Variants in XKR9 observed in about 807,000 individuals in gnomAD.
XKR9 encodes the protein XK related 9, also known as XK-related protein 9.
Under a neutral mutation model 32.0 loss-of-function variants are expected in XKR9, and 32 were observed. The observed-to-expected ratio is 1.00, with a 90% CI of 0.76 to 1.34. The LOEUF (loss-of-function observed/expected upper bound fraction) is 1.34. XKR9 is among the 40% of genes most tolerant of loss of function. The pLI is 0.00. For synonymous variants in XKR9, 168 were observed against 143.4 expected (o/e 1.17, Z -1.22); for missense variants, 546 against 429.7 (o/e 1.27, Z -2.39).
the XKR9 span, among the ~76,000 whole-genome samples, chr8:71,039,156 G>T: frequency 5.9e-5 from 9 of 152,044 alleles, no homozygotes; most frequent in African/African-American, 1.9e-4. Context: ...CTGAAATTCT[G>T]AAACGGCTAA....
intron 2 of XKR9, among the ~76,000 whole-genome samples, chr8:70,749,724 C>T (rs1433979688): frequency 2.0e-5 from 3 of 152,144 alleles, no homozygotes; most frequent in South Asian, 4.1e-4. Flanking sequence ...TGGAACGAAC[C>T]CAGCAGGTGC....
At chr8:70,895,278 G>T in the XKR9 span, among the ~76,000 whole-genome samples, 1 of 152,120 alleles carries the variant, frequency 6.6e-6, no homozygotes, top group Non-Finnish European at 1.5e-5. Flanking sequence ...TAGTTTCTGT[G>T]CTTACCAGGG....
At chr8:71,033,474 A>G in the XKR9 span, among the ~76,000 whole-genome samples, 1 of 152,240 alleles carries the variant, frequency 6.6e-6, no homozygotes. Flanking sequence ...TGGCAGTGCT[A>G]TGGTTTGGAT....
the XKR9 span, among the ~76,000 whole-genome samples, chr8:70,824,493 T>C: frequency 7.9e-5 from 12 of 152,188 alleles, no homozygotes; most frequent in African/African-American, 2.9e-4. Context: ...AAAATGCCTT[T>C]TACTACTTCA....
chr8:70,713,353 T>C (rs532822314), intron 4 of XKR9, among the ~76,000 whole-genome samples: 1 of 152,124 alleles, frequency 6.6e-6, no homozygotes, highest in Non-Finnish European at 1.5e-5. Context: ...AGAGAAAGAA[T>C]GGAGTGGAAG....
the XKR9 span, among the ~76,000 whole-genome samples, chr8:70,959,707 A>T: frequency 1.3e-5 from 2 of 152,184 alleles, no homozygotes; most frequent in Non-Finnish European, 2.9e-5. Context: ...TGAGGAGCAT[A>T]GTTCTTAATT....
Position 70,744,855 on chromosome 8 carries a change from C to G in XKR9, n.352+37702C>G, listed in dbSNP as rs1012324711. 2.1e-5 allele frequency among the ~76,000 whole-genome samples: 3 copies of G among 141,454 alleles called. 1 individual carries two copies. The highest frequency in any genetic ancestry group is 4.8e-5 in the Non-Finnish European group (3 of 62,344). The allele number at this position is 141,454 out of a possible 152,430, so 92.8% of individuals were successfully genotyped here. On this transcript the variant is annotated intron_variant and non_coding_transcript_variant, in intron 2 of 3. Transcript: ENST00000520273. ...TCTTGGCCTCAAGTGATCTACCTGC[C>G]TCGGCCTCCCAAAGTGCTGGGATTA...
At chr8:70,863,480 G>T in the XKR9 span, among the ~76,000 whole-genome samples, 1 of 152,166 alleles carries the variant, frequency 6.6e-6, no homozygotes, top group Non-Finnish European at 1.5e-5. Flanking sequence ...AACGTAGGGT[G>T]AAACTTCAAA....
chr8:70,755,524 G>A (rs1343217240), intron 2 of XKR9, among the ~76,000 whole-genome samples: 2 of 152,056 alleles, frequency 1.3e-5, no homozygotes, highest in Non-Finnish European at 2.9e-5. Context: ...GTCCAACAAT[G>A]ATAGACTGGA....
chr8:70,747,564 T>G, intron 2 of XKR9, among the ~76,000 whole-genome samples: 1 of 152,268 alleles, frequency 6.6e-6, no homozygotes, highest in Non-Finnish European at 1.5e-5. Flanking sequence ...GCAAGAAGGG[T>G]CTCACCAGAT....
chr8:70,694,894 C>A (rs927203244), intron 3 of XKR9, among the ~76,000 whole-genome samples: 4 of 152,182 alleles, frequency 2.6e-5, no homozygotes, highest in Non-Finnish European at 5.9e-5. Context: ...CCTCCAGGGA[C>A]TCCATGCATG....
At chr8:70,736,422 G>T (rs1265210889), downstream of XKR9, among the ~76,000 whole-genome samples, 1 of 152,082 alleles carries the variant, frequency 6.6e-6, no homozygotes. Flanking sequence ...TAGGTTGCCT[G>T]TTCACTCTGA....
At chr8:70,792,305 T>C (rs879230951), downstream of XKR9, among the ~76,000 whole-genome samples, 1 of 152,080 alleles carries the variant, frequency 6.6e-6, no homozygotes, top group Admixed American at 6.6e-5. Context: ...CAGACAATCA[T>C]TACAACAGTG....
chr8:70,823,762 T>C, the XKR9 span, among the ~76,000 whole-genome samples: 23 of 152,218 alleles, frequency 1.5e-4, no homozygotes, highest in African/African-American at 5.1e-4. Context: ...GAGAGAACTT[T>C]TAGATGGCCA....
the XKR9 span, among the ~76,000 whole-genome samples, chr8:70,911,235 C>G: frequency 6.6e-6 from 1 of 152,170 alleles, no homozygotes; most frequent in Non-Finnish European, 1.5e-5. Context: ...ATTACTTGAT[C>G]TTTAAGGAAA....
chr8:70,917,530 T>C, the XKR9 span, among the ~76,000 whole-genome samples: 1 of 152,326 alleles, frequency 6.6e-6, no homozygotes, highest in South Asian at 2.1e-4. Flanking sequence ...ATTTTGACTT[T>C]TGATATTTTT....
the XKR9 span, among the ~76,000 whole-genome samples, chr8:70,863,473 G>A: frequency 5.5e-4 from 84 of 152,198 alleles, 1 homozygote; most frequent in South Asian, 0.016. Context: ...CCATTTAAAC[G>A]TAGGGTGAAA....
chr8:70,963,896 A>G, the XKR9 span, among the ~76,000 whole-genome samples: 3 of 152,090 alleles, frequency 2.0e-5, no homozygotes, highest in African/African-American at 7.2e-5. Context: ...TAATTGCAAA[A>G]TTTTTCTCCC....
chr8:71,030,588 A>G, the XKR9 span, among the ~76,000 whole-genome samples: 1 of 152,214 alleles, frequency 6.6e-6, no homozygotes, highest in Non-Finnish European at 1.5e-5. Context: ...CTAAGCTAGT[A>G]CTTCATTTTC....
Sources: allele counts gnomAD v4.1 joint callset (sites outside exome capture counted in the v4.1 genomes callset), GRCh38; gene constraint gnomAD v4.1.1; transcripts MANE v1.5; gene names NCBI Gene and HGNC (gene_info 2026-07-23, HGNC 2026-07-21).